Variants in MCTP1 observed in about 807,000 individuals in gnomAD.
The protein encoded by MCTP1 is multiple C2 and transmembrane domain containing 1, also known as multiple C2 and transmembrane domain-containing protein 1.
In MCTP1, 69 loss-of-function variants were observed where a neutral mutation model predicts 120.6. The observed-to-expected ratio is 0.57, with a 90% CI of 0.47 to 0.70. The LOEUF (loss-of-function observed/expected upper bound fraction) is 0.70. MCTP1 is among the 30% of genes least tolerant of loss of function. The pLI is 0.00. For missense variants in MCTP1, 1,203 were observed against 1,248.8 expected (o/e 0.96, Z 0.55); for synonymous variants, 529 against 493.1 (o/e 1.07, Z -0.96).
chr5:95,123,950 AC>A (rs1240881936), intron 1 of MCTP1, among the ~76,000 whole-genome samples: 1 of 152,118 alleles, frequency 6.6e-6, no homozygotes, highest in Non-Finnish European at 1.5e-5. Context: ...CGCCTGGCCA[AC>A]AAGCTCTGAT....
chr5:95,277,939 T>C (rs542079831), intron 1 of MCTP1, among the ~76,000 whole-genome samples: 162 of 152,250 alleles, frequency 1.1e-3, no homozygotes, highest in South Asian at 4.8e-3. Flanking sequence ...AATACAGTTT[T>C]CCATATTGCA....
chr5:94,766,998 G>A (rs567371859), intron 19 of MCTP1, among the ~76,000 whole-genome samples: 1 of 152,238 alleles, frequency 6.6e-6, no homozygotes, highest in African/African-American at 2.4e-5. Flanking sequence ...TATCCCTGAT[G>A]AACATAGACA....
chr5:95,110,634 G>A (rs999094585), intron 1 of MCTP1, among the ~76,000 whole-genome samples: 7 of 152,098 alleles, frequency 4.6e-5, no homozygotes, highest in Admixed American at 4.6e-4. Flanking sequence ...ATATATCCAT[G>A]GACAAAGTAG....
chr5:94,854,227 G>A (rs777359717), intron 17 of MCTP1, among the ~76,000 whole-genome samples: 29 of 151,856 alleles, frequency 1.9e-4, no homozygotes, highest in Admixed American at 1.2e-3. Context: ...AGTTATATAC[G>A]CCAAAACACA....
At chr5:95,140,693 T>C (rs1275611921) in intron 1 of MCTP1, among the ~76,000 whole-genome samples, 1 of 27,596 alleles carries the variant, frequency 3.6e-5, no homozygotes, top group Non-Finnish European at 7.1e-5. Flanking sequence ...CTGTCCCTAC[T>C]AAAAAAAAAA....
intron 1 of MCTP1, among the ~76,000 whole-genome samples, chr5:95,134,983 C>A (rs1398182649): frequency 6.1e-5 from 6 of 98,382 alleles, no homozygotes; most frequent in Non-Finnish European, 9.0e-5. Context: ...TTTACTGTTG[C>A]CTGATGGCCA....
At chr5:94,968,639 T>C (rs1004160711) in intron 2 of MCTP1, among the ~76,000 whole-genome samples, 1 of 152,208 alleles carries the variant, frequency 6.6e-6, no homozygotes, top group Non-Finnish European at 1.5e-5. Flanking sequence ...AAAAAATCAA[T>C]AGCTTCATAT....
intron 17 of MCTP1, among the ~76,000 whole-genome samples, chr5:94,823,294 T>G (rs1200656697): frequency 2.6e-5 from 4 of 152,196 alleles, no homozygotes; most frequent in Admixed American, 2.0e-4. Context: ...GCACCATTTA[T>G]TAAATAGAGA....
intron 1 of MCTP1, among the ~76,000 whole-genome samples, chr5:95,212,634 A>T (rs1752526708): frequency 6.6e-6 from 1 of 151,868 alleles, no homozygotes; most frequent in Non-Finnish European, 1.5e-5. Flanking sequence ...GGCAAACCGA[A>T]TCCAGCAGCA....
At chr5:94,829,132 G>A (rs912206075) in intron 17 of MCTP1, among the ~76,000 whole-genome samples, 10 of 152,218 alleles carry the variant, frequency 6.6e-5, no homozygotes, top group Non-Finnish European at 1.3e-4. Flanking sequence ...TCTGTGGGTT[G>A]TGAAGACCAC....
chr5:94,902,218 C>G (rs1805711312), intron 10 of MCTP1, among the ~76,000 whole-genome samples: 1 of 152,102 alleles, frequency 6.6e-6, no homozygotes, highest in African/African-American at 2.4e-5. Context: ...CACAAGTGAA[C>G]AGCAATGATA....
At chr5:94,710,994 A>G (rs1013020876) in intron 20 of MCTP1, 67 bp from the exon 21 acceptor site, 1 of 1,090,196 alleles carries the variant, frequency 9.2e-7, no homozygotes, top group Non-Finnish European at 1.4e-6. Context: ...TAAAATACAT[A>G]TGATTCTAAC....
In MCTP1 at chr5:95,214,578, C is replaced by A. The variant is rs1413226939; in HGVS notation, c.720+69278G>T. Among the ~76,000 whole-genome samples the A allele has an allele frequency of 2.6e-5, 4 of 152,022 alleles. No individual in the cohort carries two copies. The East Asian group carries it at 7.7e-4, about 29-fold the overall frequency. On this transcript the variant is annotated intron_variant, in intron 1 of 22. Transcript: ENST00000515393. ...GACACATGCACATATATGTTTATTG[C>A]GGCACTATTCACAATAGCAAAGACT... is the stretch of plus-strand genomic sequence containing the variant.
intron 17 of MCTP1, among the ~76,000 whole-genome samples, chr5:94,864,496 T>C (rs1796427442): frequency 6.6e-6 from 1 of 151,932 alleles, no homozygotes; most frequent in Admixed American, 6.6e-5. Context: ...TCATTAATTT[T>C]GCGACATACA....
intron 19 of MCTP1, among the ~76,000 whole-genome samples, chr5:94,753,359 T>C (rs1768958374): frequency 6.6e-6 from 1 of 152,216 alleles, no homozygotes; most frequent in African/African-American, 2.4e-5. Flanking sequence ...ATTATTGCCA[T>C]ATAGCTTCCT....
intron 19 of MCTP1, among the ~76,000 whole-genome samples, chr5:94,729,143 A>G (rs1274793938): frequency 1.3e-5 from 2 of 152,208 alleles, no homozygotes; most frequent in East Asian, 1.9e-4. Flanking sequence ...AGTTTTGGTC[A>G]GGAAAACAGA....
At chr5:94,962,646 T>C (rs923215206) in intron 2 of MCTP1, among the ~76,000 whole-genome samples, 3 of 151,994 alleles carry the variant, frequency 2.0e-5, no homozygotes, top group African/African-American at 7.2e-5. Flanking sequence ...TCGTATGCTC[T>C]CACTCATAAG....
chr5:95,026,416 C>G (rs536507264), intron 1 of MCTP1, among the ~76,000 whole-genome samples: 3 of 151,728 alleles, frequency 2.0e-5, no homozygotes, highest in Non-Finnish European at 4.4e-5. Flanking sequence ...CTTTTTGTAC[C>G]CATTAACCCT....
At position 95,136,390 on chromosome 5, in the gene MCTP1, CTGATTTGTGA is replaced by C. The variant is rs572526160; in HGVS notation, c.721-118916_721-118907del. On this transcript the variant is annotated intron_variant, in intron 1 of 22. Coordinates refer to ENST00000515393, the MANE Select transcript of MCTP1 (RefSeq NM_024717.7). ...CAGGAAGGGTTCAGGCTTGGTATCT[CTGATTTGTGA>C]TGAGATGTTAAGTTAAGCTATCTGC... 2.6e-3 allele frequency among the ~76,000 whole-genome samples: 398 copies of C among 152,274 alleles called. 1 individual carries two copies. The highest frequency in any genetic ancestry group is 9.2e-3 in the African/African-American group (382 of 41,546).
Sources: allele counts gnomAD v4.1 joint callset (sites outside exome capture counted in the v4.1 genomes callset), GRCh38; gene constraint gnomAD v4.1.1; transcripts MANE v1.5; gene names NCBI Gene and HGNC (gene_info 2026-07-23, HGNC 2026-07-21).